The following TMTC1 variants were observed in gnomAD, a reference collection of about 807,000 sequenced individuals.
TMTC1 encodes the protein protein O-mannosyl-transferase TMTC1.
TMTC1 carries 73 observed loss-of-function variants against 104.8 expected under a neutral mutation model. The observed-to-expected ratio is 0.70, with a 90% confidence interval of 0.58 to 0.85. The LOEUF (loss-of-function observed/expected upper bound fraction) is 0.85. TMTC1 is among the 40% of genes least tolerant of loss of function. The pLI is 0.00. For missense variants in TMTC1, 1,035 were observed against 1,096.1 expected (o/e 0.94, Z 0.79); for synonymous variants, 434 against 428.7 (o/e 1.01, Z -0.15).
chr12:29,664,206 A>T (rs1437906533), intron 5 of TMTC1, among the ~76,000 whole-genome samples: 3 of 149,746 alleles, frequency 2.0e-5, no homozygotes, highest in African/African-American at 7.3e-5. Context: ...AAAATAAAAA[A>T]TAAAAAAATA....
At chr12:29,728,350 T>G (rs893334013) in intron 5 of TMTC1, among the ~76,000 whole-genome samples, 4 of 152,170 alleles carry the variant, frequency 2.6e-5, no homozygotes, top group South Asian at 2.1e-4. Context: ...GCAAACCAGC[T>G]TCTCTCTCTG....
intron 6 of TMTC1, among the ~76,000 whole-genome samples, chr12:29,610,182 C>A (rs1433973728): frequency 6.6e-6 from 1 of 152,166 alleles, no homozygotes; most frequent in Non-Finnish European, 1.5e-5. Context: ...GGGGACAGGG[C>A]AGAAATGTGG....
At chr12:29,727,357 T>G (rs534391640) in intron 5 of TMTC1, among the ~76,000 whole-genome samples, 164 of 149,048 alleles carry the variant, frequency 1.1e-3, no homozygotes, top group African/African-American at 3.7e-3. Context: ...TGAAATGTAT[T>G]TATTTATTTA....
intron 5 of TMTC1, among the ~76,000 whole-genome samples, chr12:29,680,468 C>G (rs1940876315): frequency 6.6e-6 from 1 of 152,152 alleles, no homozygotes; most frequent in South Asian, 2.1e-4. Context: ...ATTAATAAAG[C>G]CCTTTCCTTT....
chr12:29,664,747 G>A (rs541668670), intron 5 of TMTC1, among the ~76,000 whole-genome samples: 1 of 152,312 alleles, frequency 6.6e-6, no homozygotes, highest in South Asian at 2.1e-4. Flanking sequence ...TATGACATCA[G>A]ATTCTCTCAG....
intron 14 of TMTC1, 102 bp from the exon 15 acceptor site, chr12:29,516,588 C>A (rs1277412733): frequency 7.4e-7 from 1 of 1,351,008 alleles, no homozygotes; most frequent in Non-Finnish European, 9.8e-7. Flanking sequence ...GACAAACATG[C>A]TCAGCATCAA....
At chr12:29,645,821 C>T (rs60975433) in intron 5 of TMTC1, among the ~76,000 whole-genome samples, 6,307 of 152,208 alleles carry the variant, frequency 0.041, 173 homozygotes, top group Admixed American at 0.066. Flanking sequence ...ATTAATGAAC[C>T]GCATACAATA....
chr12:29,558,247 C>T (rs1299929464), intron 9 of TMTC1, among the ~76,000 whole-genome samples: 1 of 152,162 alleles, frequency 6.6e-6, no homozygotes, highest in Non-Finnish European at 1.5e-5. Context: ...GTAGAGCTGG[C>T]TTTTAATGTA....
intron 5 of TMTC1, among the ~76,000 whole-genome samples, chr12:29,736,087 T>A (rs1942664828): frequency 6.6e-6 from 1 of 152,084 alleles, no homozygotes; most frequent in Admixed American, 6.6e-5. Flanking sequence ...TATGACCAGA[T>A]TAACTAAGGG....
At chr12:29,757,697 C>T (rs116739687) in intron 3 of TMTC1, among the ~76,000 whole-genome samples, 2,302 of 152,224 alleles carry the variant, frequency 0.015, 66 homozygotes, top group African/African-American at 0.052. Context: ...GACTGGGCCA[C>T]TTACAAAAGA....
intron 3 of TMTC1, among the ~76,000 whole-genome samples, chr12:29,758,499 T>G (rs1339675111): frequency 6.6e-6 from 1 of 152,096 alleles, no homozygotes; most frequent in African/African-American, 2.4e-5. Context: ...GCAATCCCTT[T>G]AAGGTGCTAC....
intron 5 of TMTC1, among the ~76,000 whole-genome samples, chr12:29,636,572 C>T (rs1255311943): frequency 6.6e-6 from 1 of 152,132 alleles, no homozygotes; most frequent in South Asian, 2.1e-4. Flanking sequence ...GTAATCCCAG[C>T]ACTTTGGGAG....
intron 9 of TMTC1, among the ~76,000 whole-genome samples, chr12:29,559,138 C>T (rs909586586): frequency 2.6e-5 from 4 of 152,186 alleles, no homozygotes; most frequent in African/African-American, 9.6e-5. Flanking sequence ...CATGTGTCTT[C>T]CTTTTTCGTA....
At chr12:29,782,359 C>T (rs1943853437) in intron 1 of TMTC1, among the ~76,000 whole-genome samples, 1 of 152,210 alleles carries the variant, frequency 6.6e-6, no homozygotes. Context: ...ATCAGAGACA[C>T]CTGTCAAGAG....
At position 29,637,938 on chromosome 12, in the gene TMTC1, T is replaced by C. The variant is rs910562037; in HGVS notation, c.939-4602A>G. Among the ~76,000 whole-genome samples the C allele has an allele frequency of 2.0e-5, 3 of 152,300 alleles. No homozygotes were observed. In the South Asian group the frequency reaches 6.2e-4, roughly 32 times the overall value. ...TTTATCATTTTATAAATACAGGACATTGGGTCCACTGTACACACTCACCTC... is the reference window on the plus strand; with the variant it reads ...TTTATCATTTTATAAATACAGGACACTGGGTCCACTGTACACACTCACCTC... On this transcript the variant is annotated intron_variant, in intron 5 of 17. Transcript: ENST00000539277.
chr12:29,517,865 C>T (rs1944035481), intron 13 of TMTC1, among the ~76,000 whole-genome samples: 1 of 152,112 alleles, frequency 6.6e-6, no homozygotes, highest in Non-Finnish European at 1.5e-5. Context: ...CAGGTGCCCG[C>T]CATCATGCCC....
chr12:29,756,347 G>A (rs1436160662), intron 3 of TMTC1, among the ~76,000 whole-genome samples: 1 of 152,248 alleles, frequency 6.6e-6, no homozygotes, highest in African/African-American at 2.4e-5. Context: ...TTGTAGGGGG[G>A]ATTAAACGAA....
intron 5 of TMTC1, among the ~76,000 whole-genome samples, chr12:29,746,200 T>G (rs1017745900): frequency 3.3e-5 from 5 of 152,224 alleles, no homozygotes; most frequent in Non-Finnish European, 5.9e-5. Context: ...AACTGTTACA[T>G]GTATTTTCTG....
intron 7 of TMTC1, among the ~76,000 whole-genome samples, chr12:29,588,381 G>A (rs145229535): frequency 7.9e-5 from 12 of 152,246 alleles, no homozygotes; most frequent in African/African-American, 2.9e-4. Context: ...GTCATTTGCT[G>A]TGCCTGACCA....
Sources: allele counts gnomAD v4.1 joint callset (sites outside exome capture counted in the v4.1 genomes callset), GRCh38; gene constraint gnomAD v4.1.1; transcripts MANE v1.5; gene names NCBI Gene and HGNC (gene_info 2026-07-23, HGNC 2026-07-21).